Variants in MAGI2 observed in about 807,000 individuals in gnomAD.
MAGI2 encodes the protein membrane associated guanylate kinase, WW and PDZ domain containing 2.
A neutral mutation model predicts 133.3 loss-of-function variants in MAGI2; 35 were observed. The ratio of observed to expected loss-of-function variants is 0.26; its 90% CI spans 0.20 to 0.35. The LOEUF is 0.35. Among genes scored for constraint, MAGI2 ranks in the 10% least tolerant of loss-of-function variants. The pLI is 1.00. For missense variants in MAGI2, 1,636 were observed against 1,863.4 expected, an observed-to-expected ratio of 0.88 and a Z score of 2.25; for synonymous variants, 729 against 710.6, an observed-to-expected ratio of 1.03 and a Z score of -0.41.
At chr7:78,808,887 A>C (rs1788812259) in intron 2 of MAGI2, among the ~76,000 whole-genome samples, 1 of 152,190 alleles carries the variant, frequency 6.6e-6, no homozygotes, top group East Asian at 1.9e-4. Context: ...CATGACCCTA[A>C]CTTTTAATTA....
chr7:78,740,359 C>A (rs186289153), intron 2 of MAGI2, among the ~76,000 whole-genome samples: 4 of 152,120 alleles, frequency 2.6e-5, no homozygotes, highest in Admixed American at 6.5e-5. Context: ...TTTTTTACAG[C>A]AAAGTAGGTT....
intron 3 of MAGI2, among the ~76,000 whole-genome samples, chr7:78,605,810 T>C (rs550216904): frequency 6.6e-6 from 1 of 152,214 alleles, no homozygotes; most frequent in South Asian, 2.1e-4. Flanking sequence ...CAGTGGGGCG[T>C]GGGGCCATAT....
Position 78,282,610 on chromosome 7 carries a change from C to G in MAGI2, c.1409-26029G>C, listed in dbSNP as rs115131979. Among the ~76,000 whole-genome samples, 452 of 152,190 alleles carry G rather than the reference C, an allele frequency of 3.0e-3. 2 individuals carry two copies. Among genetic ancestry groups the G allele is most frequent in the African/African-American group, 0.01 (422 of 41,538 alleles). The stretch of plus-strand genomic sequence containing the variant: ...GTAAGTTTCAGGAAAAAAAGACTTT[C>G]TGAATATGTAATTTTCTGCATACAA... On this transcript the variant is annotated intron_variant, in intron 9 of 21. Coordinates refer to ENST00000354212, the MANE Select transcript of MAGI2 (RefSeq NM_012301.4).
chr7:78,473,698 T>A (rs930430758), intron 6 of MAGI2, among the ~76,000 whole-genome samples: 13 of 151,936 alleles, frequency 8.6e-5, no homozygotes, highest in African/African-American at 3.1e-4. Flanking sequence ...CTGACATACA[T>A]ACACACATAT....
At chr7:79,447,331 T>C (rs1373106822) in intron 1 of MAGI2, among the ~76,000 whole-genome samples, 2 of 151,918 alleles carry the variant, frequency 1.3e-5, no homozygotes, top group Non-Finnish European at 2.9e-5. Flanking sequence ...AACAAATACT[T>C]ACTAGAGACA....
chr7:78,269,271 A>G (rs1359200788), intron 9 of MAGI2, among the ~76,000 whole-genome samples: 1 of 152,132 alleles, frequency 6.6e-6, no homozygotes, highest in Non-Finnish European at 1.5e-5. Context: ...CTTATAGTAG[A>G]ATGATATATG....
At chr7:79,447,179 A>C (rs1848914567) in intron 1 of MAGI2, among the ~76,000 whole-genome samples, 1 of 152,196 alleles carries the variant, frequency 6.6e-6, no homozygotes. Context: ...TAATAATAAA[A>C]GCAATTTTTA....
At chr7:79,328,093 T>C (rs921579610) in intron 1 of MAGI2, among the ~76,000 whole-genome samples, 8 of 152,206 alleles carry the variant, frequency 5.3e-5, no homozygotes, top group African/African-American at 1.9e-4. Flanking sequence ...AATGTGTAAC[T>C]ATCTTGCACA....
At chr7:78,187,201 T>C (rs914311363) in intron 12 of MAGI2, among the ~76,000 whole-genome samples, 1 of 152,194 alleles carries the variant, frequency 6.6e-6, no homozygotes, top group Non-Finnish European at 1.5e-5. Flanking sequence ...AACTGTAAGA[T>C]ATTCTTGCAA....
intron 1 of MAGI2, among the ~76,000 whole-genome samples, chr7:79,296,406 T>A (rs890913718): frequency 5.9e-5 from 9 of 152,188 alleles, no homozygotes; most frequent in African/African-American, 1.9e-4. Flanking sequence ...GTGGCACTAT[T>A]CATAATAGCC....
intron 1 of MAGI2, among the ~76,000 whole-genome samples, chr7:79,060,565 C>A (rs1813632857): frequency 6.6e-6 from 1 of 151,860 alleles, no homozygotes; most frequent in Admixed American, 6.6e-5. Context: ...CACATGTAGG[C>A]CCAGGTTATG....
At chr7:79,264,104 C>T (rs1462293194) in intron 1 of MAGI2, among the ~76,000 whole-genome samples, 2 of 152,076 alleles carry the variant, frequency 1.3e-5, no homozygotes, top group African/African-American at 4.8e-5. Context: ...ATTCTTTTTT[C>T]ATACTTAGTC....
intron 1 of MAGI2, among the ~76,000 whole-genome samples, chr7:79,172,598 A>C (rs1168359622): frequency 6.6e-6 from 1 of 152,084 alleles, no homozygotes; most frequent in Non-Finnish European, 1.5e-5. Context: ...AATATGCTCT[A>C]TGATTTTATA....
At position 79,235,178 on chromosome 7, in the gene MAGI2, G is replaced by C. The variant is rs568873617; in HGVS notation, c.301+217842C>G. Among the ~76,000 whole-genome samples, 37 of 152,218 alleles carry C rather than the reference G, an allele frequency of 2.4e-4. 1 individual carries two copies. The South Asian group carries it at 4.4e-3, about 18-fold the overall frequency. On this transcript the variant is annotated intron_variant, in intron 1 of 21. Coordinates refer to ENST00000354212, the MANE Select transcript of MAGI2 (RefSeq NM_012301.4). ...TCAGATCTCCAGCTGCGTGTTGGGA[G>C]AACCACTGCTCTCTTCAAAGCTGTC...
At chr7:78,079,608 CT>C (rs1413274120) in intron 20 of MAGI2, among the ~76,000 whole-genome samples, 1 of 152,130 alleles carries the variant, frequency 6.6e-6, no homozygotes, top group Non-Finnish European at 1.5e-5. Flanking sequence ...ATATTGCCTT[CT>C]TTGTAAACAG....
intron 9 of MAGI2, among the ~76,000 whole-genome samples, chr7:78,323,006 C>T (rs1788171318): frequency 6.9e-6 from 1 of 145,746 alleles, no homozygotes; most frequent in African/African-American, 2.6e-5. Flanking sequence ...AGCATTTTCT[C>T]ATCTAAAAAT....
At chr7:78,489,692 C>T in intron 6 of MAGI2, 69 bp downstream of exon 6, 1 of 1,156,960 alleles carries the variant, frequency 8.6e-7, no homozygotes, top group Non-Finnish European at 1.3e-6. Flanking sequence ...TCAGGTGAGA[C>T]TCTCATTTAA....
intron 3 of MAGI2, among the ~76,000 whole-genome samples, chr7:78,535,219 C>T (rs1394543174): frequency 6.6e-6 from 1 of 152,096 alleles, no homozygotes; most frequent in Non-Finnish European, 1.5e-5. Context: ...GCAGAGGAAA[C>T]AAATTTACAA....
chr7:78,903,172 CTTTTTTTTTTTTTTTTTTTTTTTTTT>C (rs10526268), intron 2 of MAGI2, among the ~76,000 whole-genome samples: 1 of 56,082 alleles, frequency 1.8e-5, no homozygotes, highest in Non-Finnish European at 3.2e-5. Context: ...GTTCCTGAAT[CTTTTTTTTTTTTTTTTTTTTTTTTTT>C]TTTTTTTTTT....
Sources: allele counts gnomAD v4.1 joint callset (sites outside exome capture counted in the v4.1 genomes callset), GRCh38; gene constraint gnomAD v4.1.1; transcripts MANE v1.5; gene names NCBI Gene and HGNC (gene_info 2026-07-23, HGNC 2026-07-21).